The following TNNI1 variants were observed in gnomAD, a reference collection of about 807,000 sequenced individuals.
TNNI1 encodes troponin I, slow skeletal muscle.
In TNNI1, 14 loss-of-function variants were observed where a neutral mutation model predicts 26.7. That is an observed-to-expected ratio of 0.52 (90% confidence interval 0.35 to 0.82). The LOEUF (loss-of-function observed/expected upper bound fraction) is 0.82, where lower values mean the gene tolerates loss of function less well. Ranked by LOEUF, TNNI1 falls within the 40% of genes least tolerant of loss-of-function variation. The probability of loss-of-function intolerance (pLI) is 0.01; values close to 1 mark genes in which losing one functional copy is unlikely to be tolerated. For synonymous variants in TNNI1, 79 were observed against 98.2 expected (o/e 0.80, Z 1.16); for missense variants, 164 against 257.0 (o/e 0.64, Z 2.47).
chr1:201,406,671 G>C lies in TNNI1; in HGVS notation c.*2582C>G, dbSNP rs2102367012. 1 of 152,336 alleles carries C rather than the reference G, an allele frequency of 6.6e-6. No homozygotes were observed. Among genetic ancestry groups the C allele is most frequent in the Admixed American group, 6.5e-5 (1 of 15,298 alleles). The allele number at this position is 152,336 out of a possible 1,614,324, so 9.4% of individuals were successfully genotyped here. ...ACTGGAGTAGAATCAGGGCTCTCCA[G>C]AGGCCAGGCCCCCAGCCCAGGCCCC... On this transcript the variant is annotated 3_prime_UTR_variant, in exon 9 of 9. Coordinates refer to ENST00000361379, the MANE Select transcript of TNNI1 (RefSeq NM_003281.4).
At position 201,411,666 on chromosome 1, in the gene TNNI1, C is replaced by T. The variant is rs1319475022; in HGVS notation, c.280-133G>A. ...TGTCCACCCTTGAAGCCAGACCTATCAGCAGTCACCAACCTTTTTGTCACC... is the reference window on the plus strand; with the variant it reads ...TGTCCACCCTTGAAGCCAGACCTATTAGCAGTCACCAACCTTTTTGTCACC... On this transcript the variant is annotated intron_variant, in intron 6 of 8. Transcript: ENST00000361379. This position sits in a 1 kb window ranked among gnomAD's most constrained non-coding sequence, Gnocchi z 4.6. 1 of 899,974 alleles carries T rather than the reference C, an allele frequency of 1.1e-6. No homozygotes were observed. The allele number at this position is 899,974 out of a possible 1,614,324, so 55.7% of individuals were successfully genotyped here.
intron 1 of TNNI1, among the ~76,000 whole-genome samples, chr1:201,419,589 A>T (rs908865227): frequency 2.6e-5 from 4 of 152,192 alleles, no homozygotes; most frequent in East Asian, 3.9e-4. Context: ...AGACACTTGT[A>T]AAGTGCCTGC....
At position 201,413,057 on chromosome 1, in the gene TNNI1, G is replaced by A. The variant is rs758682000; in HGVS notation, c.254C>T (p.Ala85Val). 1.9e-6 allele frequency: 3 copies of A among 1,613,952 alleles called. No individual in the cohort carries two copies. Among genetic ancestry groups the A allele is most frequent in the East Asian group, 2.2e-5 (1 of 44,892 alleles). ...VVDEERYDIEAKCLHNTREIK... is the reference protein window; with the variant it reads ...VVDEERYDIEVKCLHNTREIK... The stretch of plus-strand genomic sequence containing the variant: ...CTCCCTGGTGTTGTGGAGGCATTTG[G>A]CCTCAATGTCGTATCGCTCCTCATC... Residue 85 changes from alanine to valine, a missense_variant, in exon 6 of 9, where the codon GCC becomes GTC. Ala to Val is a moderately conservative substitution (Grantham distance 64). Transcript: ENST00000361379.
In TNNI1 at chr1:201,406,230, C is replaced by T. The variant is rs1322440863; in HGVS notation, c.*3023G>A. On this transcript the variant is annotated 3_prime_UTR_variant, in exon 9 of 9. Coordinates refer to ENST00000361379, the MANE Select transcript of TNNI1 (RefSeq NM_003281.4). ...CTTAGAGTGAGCTACTTGAACTCTC[C>T]AGGCCTCCATTTCCTCATCTGTAAA... 4.6e-5 allele frequency: 6 copies of T among 130,088 alleles called. No homozygotes were observed. The highest frequency in any genetic ancestry group is 9.9e-5 in the Non-Finnish European group (6 of 60,388). The allele number at this position is 130,088 out of a possible 1,614,324, so 8.1% of individuals were successfully genotyped here. A position where few individuals can be genotyped will look rare whatever the true frequency, so the allele number is the denominator to read the frequency against.
chr1:201,410,281 C>T, intron 8 of TNNI1, 45 bp downstream of exon 8: 2 of 1,569,948 alleles, frequency 1.3e-6, no homozygotes, highest in Non-Finnish European at 1.8e-6. Context: ...TCATTATCCT[C>T]TAGACTCTGA....
In TNNI1 at chr1:201,406,058, G is replaced by C. The variant is rs1473618871; in HGVS notation, c.*3195C>G. The C allele has an allele frequency of 2.0e-5, 3 of 152,506 alleles. No homozygotes were observed. The highest frequency in any genetic ancestry group is 4.4e-5 in the Non-Finnish European group (3 of 68,194). The allele number at this position is 152,506 out of a possible 1,614,324, so 9.4% of individuals were successfully genotyped here. A position where few individuals can be genotyped will look rare whatever the true frequency, so the allele number is the denominator to read the frequency against. Reference sequence around the variant, plus strand: ...GGTGCGGGTGTGTGGGGACTCCCCAGGTGCATATGCAGGACCCTCGACCCC... The same window carrying C: ...GGTGCGGGTGTGTGGGGACTCCCCACGTGCATATGCAGGACCCTCGACCCC... On this transcript the variant is annotated 3_prime_UTR_variant, in exon 9 of 9. Transcript: ENST00000361379.
chr1:201,416,403 G>C (rs1295860978), intron 3 of TNNI1, among the ~76,000 whole-genome samples: 1 of 152,152 alleles, frequency 6.6e-6, no homozygotes, highest in Non-Finnish European at 1.5e-5. Context: ...ACTTTAATAC[G>C]AGCCTCAGCA....
chr1:201,415,706 C>G (rs560643670), intron 3 of TNNI1, among the ~76,000 whole-genome samples: 9 of 152,122 alleles, frequency 5.9e-5, no homozygotes, highest in Non-Finnish European at 1.2e-4. Flanking sequence ...CTTGATGATC[C>G]GTCATGCTGC....
rs1273995115 is a variant in TNNI1 at position 201,406,298 on chromosome 1, A to T, written c.*2955T>A. ...ACCATTTTTGTGAGAATGCAATGAT[A>T]TAACTCAGATAAAGCATTTAACATC... On this transcript the variant is annotated 3_prime_UTR_variant, in exon 9 of 9. Transcript: ENST00000361379. 6.6e-6 allele frequency: 1 copy of T among 152,248 alleles called. No homozygotes were observed. Among genetic ancestry groups the T allele is most frequent in the Non-Finnish European group, 1.5e-5 (1 of 68,052 alleles). The allele number at this position is 152,248 out of a possible 1,614,324, so 9.4% of individuals were successfully genotyped here.
At chr1:201,417,176 A>T in intron 2 of TNNI1, 57 bp from the exon 3 acceptor site, 2 of 1,612,042 alleles carry the variant, frequency 1.2e-6, no homozygotes, top group Non-Finnish European at 1.7e-6. Context: ...AGTGAGTATG[A>T]ACAATGAGGA....
At position 201,406,852 on chromosome 1, in the gene TNNI1, G is replaced by A. The variant is rs867631819; in HGVS notation, c.*2401C>T. On this transcript the variant is annotated 3_prime_UTR_variant, in exon 9 of 9. Transcript: ENST00000361379. ...TCACAGGAGATGAATTAGGTCTGTT[G>A]CTGCCTGGAAGCAGAAGGAGGAACC... The A allele has an allele frequency of 6.6e-6, 1 of 152,350 alleles. No individual in the cohort carries two copies. Among genetic ancestry groups the A allele is most frequent in the Non-Finnish European group, 1.5e-5 (1 of 68,136 alleles). 9.4% of individuals were successfully genotyped at this position (152,350 alleles called of 1,614,324 possible).
intron 3 of TNNI1, among the ~76,000 whole-genome samples, chr1:201,416,326 G>T (rs764899988): frequency 6.6e-6 from 1 of 152,186 alleles, no homozygotes; most frequent in Non-Finnish European, 1.5e-5. Flanking sequence ...GTTTGACTGC[G>T]ATCTTATTTC....
At chr1:201,419,804 G>A (rs1439606895) in intron 1 of TNNI1, among the ~76,000 whole-genome samples, 1 of 152,232 alleles carries the variant, frequency 6.6e-6, no homozygotes, top group Non-Finnish European at 1.5e-5. Flanking sequence ...AGGAGGTGGA[G>A]GTGTAGTGTG....
intron 5 of TNNI1, among the ~76,000 whole-genome samples, chr1:201,413,880 A>T (rs1474460368): frequency 6.6e-6 from 1 of 152,038 alleles, no homozygotes; most frequent in Non-Finnish European, 1.5e-5. Flanking sequence ...CTGGTCTCGA[A>T]CTCCTGGGTT....
chr1:201,411,000 C>T (rs76730887), intron 7 of TNNI1, among the ~76,000 whole-genome samples: 1 of 152,304 alleles, frequency 6.6e-6, no homozygotes, highest in Middle Eastern at 3.4e-3. Flanking sequence ...TGGCTATAAC[C>T]AAGATGAGCT....
At chr1:201,410,754 A>G (rs1407084033) in intron 7 of TNNI1, among the ~76,000 whole-genome samples, 1 of 152,222 alleles carries the variant, frequency 6.6e-6, no homozygotes, top group Non-Finnish European at 1.5e-5. Flanking sequence ...CAGCAGGCTC[A>G]AGGCCACCTC....
chr1:201,411,198 T>C lies in TNNI1; in HGVS notation c.456+159A>G, dbSNP rs1348773281. Among the ~76,000 whole-genome samples the C allele has an allele frequency of 2.0e-5, 3 of 152,226 alleles. No individual in the cohort carries two copies. Among genetic ancestry groups the C allele is most frequent in the Non-Finnish European group, 4.4e-5 (3 of 68,026 alleles). On this transcript the variant is annotated intron_variant, in intron 7 of 8. Coordinates refer to ENST00000361379, the MANE Select transcript of TNNI1 (RefSeq NM_003281.4). This position sits in a 1 kb window ranked among gnomAD's most constrained non-coding sequence, Gnocchi z 4.6. The stretch of plus-strand genomic sequence containing the variant: ...GAAGGGAGCAAATCTTCTTTCTTTC[T>C]TCCCACACTGGTCTCCCAAAGCATT...
chr1:201,419,454 C>T (rs892823192), intron 1 of TNNI1, among the ~76,000 whole-genome samples: 1 of 152,130 alleles, frequency 6.6e-6, no homozygotes. Flanking sequence ...AGCCCTGAGC[C>T]AGGCTGTGAA....
At chr1:201,414,022 T>A (rs1662688000) in intron 5 of TNNI1, among the ~76,000 whole-genome samples, 1 of 152,346 alleles carries the variant, frequency 6.6e-6, no homozygotes, top group African/African-American at 2.4e-5. Context: ...AAACTATGTA[T>A]TAAACAAAAA....
Sources: allele counts gnomAD v4.1 joint callset (sites outside exome capture counted in the v4.1 genomes callset), GRCh38; gene constraint gnomAD v4.1.1; non-coding constraint Gnocchi (gnomAD v3.1); transcripts MANE v1.5; gene names NCBI Gene and HGNC (gene_info 2026-07-23, HGNC 2026-07-21).